GAPVD1: variants seen among roughly 807,000 people sequenced by gnomAD.
The protein encoded by GAPVD1 is GTPase-activating protein and VPS9 domain-containing protein 1.
A neutral mutation model predicts 155.5 loss-of-function variants in GAPVD1; 35 were observed. The ratio of observed to expected loss-of-function variants is 0.23; its 90% CI spans 0.17 to 0.30. GAPVD1 has a LOEUF of 0.30. Ranked by LOEUF, GAPVD1 falls within the 10% of genes least tolerant of loss-of-function variation. The pLI, the probability that GAPVD1 is intolerant of heterozygous loss-of-function variation, is 1.00. For synonymous variants in GAPVD1, 636 were observed against 619.7 expected, an observed-to-expected ratio of 1.03 and a Z score of -0.39; for missense variants, 1,429 against 1,775.7, an observed-to-expected ratio of 0.80 and a Z score of 3.51.
chr9:125,317,061 C>T (rs867019977), intron 9 of GAPVD1, among the ~76,000 whole-genome samples: 3 of 151,924 alleles, frequency 2.0e-5, no homozygotes, highest in Admixed American at 1.3e-4. Flanking sequence ...GGTTCATGGC[C>T]GTAATCCCAG....
intron 25 of GAPVD1, among the ~76,000 whole-genome samples, chr9:125,357,093 A>G (rs537521317): frequency 1.3e-5 from 2 of 152,120 alleles, no homozygotes; most frequent in Admixed American, 6.5e-5. Context: ...AGCTAGGATA[A>G]CAGGGCATGA....
chr9:125,312,376 A>C (rs1425795286), intron 8 of GAPVD1, 76 bp from the exon 9 acceptor site: 1 of 938,280 alleles, frequency 1.1e-6, no homozygotes, highest in Non-Finnish European at 1.6e-6. Flanking sequence ...CTAATAGAAA[A>C]TATATTCATA....
At chr9:125,305,026 G>A (rs1841553371) in intron 5 of GAPVD1, 37 bp from the exon 6 acceptor site, 5 of 1,362,758 alleles carry the variant, frequency 3.7e-6, no homozygotes, top group Middle Eastern at 3.6e-4. Flanking sequence ...GTATCTGTCT[G>A]TAGCTTATGT....
intron 2 of GAPVD1, among the ~76,000 whole-genome samples, chr9:125,292,615 C>T (rs1287348725): frequency 6.6e-6 from 1 of 151,972 alleles, no homozygotes; most frequent in Non-Finnish European, 1.5e-5. Context: ...GTCTTGAACT[C>T]CTGACCTCAA....
At chr9:125,281,764 A>G (rs147826705) in intron 2 of GAPVD1, among the ~76,000 whole-genome samples, 1 of 151,918 alleles carries the variant, frequency 6.6e-6, no homozygotes, top group African/African-American at 2.4e-5. Context: ...TAGATACATT[A>G]ATGTATGTGT....
intron 1 of GAPVD1, among the ~76,000 whole-genome samples, chr9:125,264,385 A>C (rs575836442): frequency 6.6e-6 from 1 of 152,076 alleles, no homozygotes; most frequent in Non-Finnish European, 1.5e-5. Context: ...AGTAGAGGCA[A>C]GGTTTCACCA....
At chr9:125,314,709 A>T (rs1384117508) in intron 9 of GAPVD1, among the ~76,000 whole-genome samples, 1 of 152,098 alleles carries the variant, frequency 6.6e-6, no homozygotes, top group Non-Finnish European at 1.5e-5. Context: ...AGACAAGAAG[A>T]AGAAATCTTG....
At chr9:125,265,504 G>A (rs993079449) in intron 1 of GAPVD1, among the ~76,000 whole-genome samples, 2 of 151,622 alleles carry the variant, frequency 1.3e-5, no homozygotes, top group South Asian at 2.1e-4. Context: ...TCTGCCTCCC[G>A]GGTTCCAGCG....
At chr9:125,293,860 A>ATG (rs1839205123) in intron 2 of GAPVD1, among the ~76,000 whole-genome samples, 2 of 10,626 alleles carry the variant, frequency 1.9e-4, no homozygotes, top group Non-Finnish European at 2.8e-4. Context: ...TTTTATATAT[A>ATG]TATATATATA....
At chr9:125,269,710 CTTT>C (rs951306489) in intron 2 of GAPVD1, among the ~76,000 whole-genome samples, 1 of 52,688 alleles carries the variant, frequency 1.9e-5, no homozygotes, top group Non-Finnish European at 3.4e-5. Context: ...CCATGCCTGG[CTTT>C]TTTTTTTTTT....
intron 9 of GAPVD1, among the ~76,000 whole-genome samples, chr9:125,318,807 T>C (rs1843824245): frequency 6.6e-6 from 1 of 151,654 alleles, no homozygotes; most frequent in African/African-American, 2.4e-5. Context: ...CCCAGCGCTT[T>C]GGGAGGCTGA....
chr9:125,323,407 G>A (rs565268599), intron 10 of GAPVD1, among the ~76,000 whole-genome samples: 4 of 152,248 alleles, frequency 2.6e-5, no homozygotes, highest in African/African-American at 9.6e-5. Flanking sequence ...CCGGGTTCAC[G>A]CCATTCTCCT....
chr9:125,358,606 G>C (rs886823481), intron 25 of GAPVD1, among the ~76,000 whole-genome samples: 2 of 152,196 alleles, frequency 1.3e-5, no homozygotes, highest in East Asian at 3.9e-4. Flanking sequence ...AGATATTTGA[G>C]AGAATTCACT....
chr9:125,340,498 A>G (rs1046480131), intron 17 of GAPVD1, among the ~76,000 whole-genome samples: 1 of 152,164 alleles, frequency 6.6e-6, no homozygotes, highest in Admixed American at 6.5e-5. Flanking sequence ...AAAAGGCCGA[A>G]TATAGGACCT....
rs34715258 is a variant in GAPVD1, at chr9:125,294,652, GTT to G, written c.-149-790_-149-789del. On this transcript the variant is annotated intron_variant, in intron 2 of 27. Coordinates refer to ENST00000297933, the MANE Select transcript of GAPVD1 (RefSeq NM_001282680.3). ...TGAGCCACCGTACCCAGCTAAAATGGTTTTTTTTTTTTTTTTTCAAACTTTCC... is the reference window on the plus strand; with the variant it reads ...TGAGCCACCGTACCCAGCTAAAATGGTTTTTTTTTTTTTTTCAAACTTTCC... Among the ~76,000 whole-genome samples, 362 of 135,126 alleles carry G rather than the reference GTT, an allele frequency of 2.7e-3. 4 individuals are homozygous for G. Among genetic ancestry groups the G allele is most frequent in the African/African-American group, 8.7e-3 (320 of 36,756 alleles). 88.6% of individuals were successfully genotyped at this position (135,126 alleles called of 152,430 possible).
At chr9:125,290,741 C>T (rs974609760) in intron 2 of GAPVD1, among the ~76,000 whole-genome samples, 1 of 152,098 alleles carries the variant, frequency 6.6e-6, no homozygotes, top group Non-Finnish European at 1.5e-5. Context: ...GACATGGTGG[C>T]TCACACTTGT....
Position 125,350,300 on chromosome 9 carries a change from C to T in GAPVD1, c.3305C>T (p.Ala1102Val), listed in dbSNP as rs758092621. The stretch of plus-strand genomic sequence containing the variant: ...ATTTTCTACTCATTTTTCAGAGATG[C>T]AAAAAAGAAACTGAGGCTTGCTCTT... ...PQDSAFSYRD[A>V]KKKLRLALCS... Residue 1102 changes from alanine to valine, a missense_variant, in exon 22 of 28, where the codon GCA becomes GTA. Transcript: ENST00000297933. 9.5e-6 allele frequency: 15 copies of T among 1,575,662 alleles called. No homozygotes were observed. Among genetic ancestry groups the T allele is most frequent in the Non-Finnish European group, 1.3e-5 (15 of 1,164,980 alleles).
chr9:125,320,092 A>G (rs1844081703), intron 9 of GAPVD1, among the ~76,000 whole-genome samples: 1 of 152,190 alleles, frequency 6.6e-6, no homozygotes, highest in Non-Finnish European at 1.5e-5. Flanking sequence ...GGCTGAATCA[A>G]GCTAAATAAC....
At chr9:125,321,707 A>G (rs1844356053) in intron 10 of GAPVD1, 145 bp downstream of exon 10, 2 of 699,730 alleles carry the variant, frequency 2.9e-6, no homozygotes, top group Non-Finnish European at 4.6e-6. Context: ...GAGCCTGAAC[A>G]GTTGGCTGTA....
Sources: allele counts gnomAD v4.1 joint callset (sites outside exome capture counted in the v4.1 genomes callset), GRCh38; gene constraint gnomAD v4.1.1; transcripts MANE v1.5; gene names NCBI Gene and HGNC (gene_info 2026-07-23, HGNC 2026-07-21).